The following SPRED1 variants were observed in gnomAD, a reference collection of about 807,000 sequenced individuals.
SPRED1 encodes sprouty-related, EVH1 domain-containing protein 1.
A neutral mutation model predicts 52.3 loss-of-function variants in SPRED1; 18 were observed. The observed-to-expected ratio is 0.34, with a 90% confidence interval of 0.24 to 0.51. The LOEUF (loss-of-function observed/expected upper bound fraction) is 0.51, where lower values mean the gene tolerates loss of function less well. Ranked by LOEUF, SPRED1 falls within the 20% of genes least tolerant of loss-of-function variation. SPRED1 has a pLI of 0.97. For missense variants in SPRED1, 485 were observed against 551.0 expected, an observed-to-expected ratio of 0.88 and a Z score of 1.20; for synonymous variants, 155 against 179.7, an observed-to-expected ratio of 0.86 and a Z score of 1.10.
At chr15:38,333,294 A>T (rs759660011) in intron 4 of SPRED1, among the ~76,000 whole-genome samples, 1 of 152,154 alleles carries the variant, frequency 6.6e-6, no homozygotes, top group Non-Finnish European at 1.5e-5. Flanking sequence ...TTTAGTGGAA[A>T]ATTTGAAGCA....
chr15:38,288,707 T>C (rs1328044383), intron 1 of SPRED1, among the ~76,000 whole-genome samples: 2 of 152,170 alleles, frequency 1.3e-5, no homozygotes, highest in Non-Finnish European at 2.9e-5. Flanking sequence ...CAGAGAGGTA[T>C]AGCCTTCTAA....
chr15:38,272,975 G>GT, intron 1 of SPRED1, among the ~76,000 whole-genome samples: 1 of 152,100 alleles, frequency 6.6e-6, no homozygotes, highest in South Asian at 2.1e-4. Context: ...ATTTTCTCCC[G>GT]TTCTGTAGGT....
intron 2 of SPRED1, among the ~76,000 whole-genome samples, chr15:38,303,687 T>A (rs1175068867): frequency 6.6e-6 from 1 of 152,070 alleles, no homozygotes; most frequent in African/African-American, 2.4e-5. Context: ...TAAAATATTA[T>A]AAATTTGCTA....
At chr15:38,334,088 C>T (rs548854597) in intron 4 of SPRED1, among the ~76,000 whole-genome samples, 5 of 151,946 alleles carry the variant, frequency 3.3e-5, no homozygotes, top group African/African-American at 9.6e-5. Flanking sequence ...ATCATTGGTA[C>T]ACAGAGGTCA....
intron 2 of SPRED1, among the ~76,000 whole-genome samples, chr15:38,316,748 G>GGTTTTTTTTTTTTTTTTTTTTTTTTTT: frequency 2.9e-4 from 12 of 41,922 alleles, no homozygotes; most frequent in East Asian, 3.0e-3. Flanking sequence ...TCCATTATAT[G>GGTTTTTTTTTTTTTTTTTTTTTTTTTT]TTTTTTTTTT....
At chr15:38,308,488 A>C (rs185241113) in intron 2 of SPRED1, among the ~76,000 whole-genome samples, 1 of 152,336 alleles carries the variant, frequency 6.6e-6, no homozygotes, top group Admixed American at 6.5e-5. Flanking sequence ...TGTTGATTTT[A>C]TCACCACATC....
chr15:38,258,779 A>G (rs1470655456), intron 1 of SPRED1, among the ~76,000 whole-genome samples: 2 of 152,220 alleles, frequency 1.3e-5, no homozygotes, highest in African/African-American at 4.8e-5. Context: ...ATGCTATATT[A>G]TAAATAGAAT....
intron 1 of SPRED1, among the ~76,000 whole-genome samples, chr15:38,283,928 A>T (rs898812864): frequency 2.6e-4 from 39 of 152,184 alleles, no homozygotes; most frequent in Admixed American, 6.5e-4. Flanking sequence ...TTAGGTATTT[A>T]CTATTAAATG....
At chr15:38,350,747 C>G (rs1280866245) in intron 6 of SPRED1, among the ~76,000 whole-genome samples, 2 of 152,166 alleles carry the variant, frequency 1.3e-5, no homozygotes. Context: ...AGGCACCCTG[C>G]TGGCAGAATT....
chr15:38,255,294 A>G (rs1289021435), intron 1 of SPRED1, among the ~76,000 whole-genome samples: 1 of 152,104 alleles, frequency 6.6e-6, no homozygotes, highest in East Asian at 1.9e-4. Context: ...TTTTTCATCT[A>G]AATGTACTTA....
chr15:38,279,003 T>G (rs1894627533), intron 1 of SPRED1, among the ~76,000 whole-genome samples: 1 of 152,074 alleles, frequency 6.6e-6, no homozygotes. Context: ...AATTTTTGTA[T>G]TTTTACTAGA....
chr15:38,287,654 G>T (rs1034395373), intron 1 of SPRED1, among the ~76,000 whole-genome samples: 1 of 152,096 alleles, frequency 6.6e-6, no homozygotes, highest in Non-Finnish European at 1.5e-5. Context: ...GAAAAAAATT[G>T]CATCTTTACT....
chr15:38,258,582 C>T (rs909886911), intron 1 of SPRED1, among the ~76,000 whole-genome samples: 32 of 151,930 alleles, frequency 2.1e-4, no homozygotes, highest in Non-Finnish European at 4.4e-5. Flanking sequence ...GTTAAATTGC[C>T]CTCTAGAAAA....
intron 2 of SPRED1, among the ~76,000 whole-genome samples, chr15:38,310,153 G>GTGTGTGTGTGTGTGTGTGTGTT (rs373463622): frequency 0.029 from 3,885 of 132,152 alleles, 159 homozygotes; most frequent in East Asian, 0.05. Flanking sequence ...GTGTGTGTGT[G>GTGTGTGTGTGTGTGTGTGTGTT]TTTGGAGACG....
intron 5 of SPRED1, among the ~76,000 whole-genome samples, chr15:38,348,432 G>GTGTGTGTC (rs959429616): frequency 2.0e-5 from 3 of 151,892 alleles, no homozygotes; most frequent in African/African-American, 7.3e-5. Flanking sequence ...GTGTGTGTGT[G>GTGTGTGTC]TGTGTGTCTG....
chr15:38,342,990 G>A (rs769988417), intron 5 of SPRED1, among the ~76,000 whole-genome samples: 18 of 152,150 alleles, frequency 1.2e-4, no homozygotes, highest in East Asian at 1.2e-3. Context: ...AACTATTAGC[G>A]GTAGGGAATC....
At chr15:38,278,828 GTT>G (rs765637726) in intron 1 of SPRED1, among the ~76,000 whole-genome samples, 1 of 118,244 alleles carries the variant, frequency 8.5e-6, no homozygotes, top group Non-Finnish European at 1.7e-5. Flanking sequence ...TAACTACACT[GTT>G]TTTTTTTTTT....
chr15:38,319,995 T>C lies in SPRED1; in HGVS notation c.208-2246T>C, dbSNP rs572244838. ...AAATGAGCAGCAGTGTGGCATTATA[T>C]AGTATTTCCACCGTACAGATATGAC... On this transcript the variant is annotated intron_variant, in intron 2 of 6. Transcript: ENST00000299084. Among the ~76,000 whole-genome samples the C allele has an allele frequency of 7.2e-5, 11 of 152,306 alleles. No homozygotes were observed. In the East Asian group the frequency reaches 2.1e-3, roughly 29 times the overall value.
At chr15:38,336,380 A>ATTGTGTGTGTGTG (rs1555391795) in intron 4 of SPRED1, among the ~76,000 whole-genome samples, 2 of 134,316 alleles carry the variant, frequency 1.5e-5, no homozygotes, top group Non-Finnish European at 3.1e-5. Context: ...GATAAAGAAA[A>ATTGTGTGTGTGTG]TGTGTGTGTG....
Sources: gnomAD v4.1 joint callset for allele counts (sites outside exome capture counted in the v4.1 genomes callset) on GRCh38, gnomAD v4.1.1 for gene constraint, MANE v1.5 for transcripts, NCBI Gene and HGNC (gene_info 2026-07-23, HGNC 2026-07-21) for gene names.